Variants in THRB observed in about 807,000 individuals in gnomAD.
THRB encodes thyroid hormone receptor beta, also known as nuclear receptor subfamily 1 group A member 2.
Under a neutral mutation model 47.8 loss-of-function variants are expected in THRB, and 12 were observed. The observed-to-expected ratio is 0.25, with a 90% confidence interval of 0.16 to 0.41. The LOEUF is 0.41. THRB is among the 10% of genes least tolerant of loss of function. THRB has a pLI of 1.00. For missense variants in THRB, 348 were observed against 589.2 expected, an observed-to-expected ratio of 0.59 and a Z score of 4.24; for synonymous variants, 218 against 212.2, an observed-to-expected ratio of 1.03 and a Z score of -0.24.
intron 1 of THRB, among the ~76,000 whole-genome samples, chr3:24,404,448 C>A (rs9843565): frequency 6.6e-6 from 1 of 151,766 alleles, no homozygotes; most frequent in African/African-American, 2.4e-5. Context: ...TAACTGTTTG[C>A]GGATTAATTT....
intron 1 of THRB, among the ~76,000 whole-genome samples, chr3:24,343,244 A>ATAGC (rs1482926567): frequency 6.6e-6 from 1 of 152,180 alleles, no homozygotes; most frequent in Non-Finnish European, 1.5e-5. Flanking sequence ...GAGATGGTGC[A>ATAGC]TAGCTGTTGC....
At chr3:24,474,159 C>G (rs1695109209) in intron 1 of THRB, among the ~76,000 whole-genome samples, 1 of 152,064 alleles carries the variant, frequency 6.6e-6, no homozygotes, top group Admixed American at 6.6e-5. Context: ...TACACTAAAC[C>G]TGCCAATCAA....
chr3:24,182,224 C>T (rs2041998943), intron 5 of THRB, among the ~76,000 whole-genome samples: 1 of 138,252 alleles, frequency 7.2e-6, no homozygotes, highest in Non-Finnish European at 1.6e-5. Context: ...AACAAAAAAA[C>T]AAACAAAAAA....
intron 1 of THRB, among the ~76,000 whole-genome samples, chr3:24,391,078 C>A (rs1017388516): frequency 6.6e-6 from 1 of 152,068 alleles, no homozygotes; most frequent in Non-Finnish European, 1.5e-5. Flanking sequence ...AGCAGTGGTG[C>A]CCTTGGGACA....
intron 2 of THRB, among the ~76,000 whole-genome samples, chr3:24,317,804 C>T (rs1189401242): frequency 5.9e-5 from 9 of 152,146 alleles, no homozygotes; most frequent in Non-Finnish European, 1.3e-4. Context: ...TGCCTGTAAT[C>T]CCAGCATTTT....
At position 24,290,252 on chromosome 3, in the gene THRB, G is replaced by A. The variant is rs367646450; in HGVS notation, c.-43+6974C>T. ...TGGGGTTGGGGGGATAAATCTTTCAGGAAGTTTACTGGGTTACTTTAATTA... is the reference window on the plus strand; with the variant it reads ...TGGGGTTGGGGGGATAAATCTTTCAAGAAGTTTACTGGGTTACTTTAATTA... On this transcript the variant is annotated intron_variant, in intron 3 of 10. Coordinates refer to ENST00000646209, the MANE Select transcript of THRB (RefSeq NM_001354712.2). Among the ~76,000 whole-genome samples the A allele has an allele frequency of 1.1e-4, 16 of 152,244 alleles. No homozygotes were observed. In the South Asian group the frequency reaches 3.1e-3, roughly 30 times the overall value.
At chr3:24,267,958 G>T (rs772379027) in intron 3 of THRB, among the ~76,000 whole-genome samples, 24 of 152,042 alleles carry the variant, frequency 1.6e-4, no homozygotes, top group Admixed American at 3.9e-4. Context: ...GATAAATTAT[G>T]AATTTCAGGG....
chr3:24,426,490 T>C (rs2069775085), intron 1 of THRB, among the ~76,000 whole-genome samples: 1 of 151,956 alleles, frequency 6.6e-6, no homozygotes, highest in Admixed American at 6.6e-5. Context: ...GTTAGCTGAA[T>C]AATGACTGCA....
chr3:24,470,900 A>G (rs984594592), intron 1 of THRB, among the ~76,000 whole-genome samples: 17 of 152,244 alleles, frequency 1.1e-4, no homozygotes, highest in African/African-American at 4.1e-4. Flanking sequence ...TACAGGCATG[A>G]GCCATCACAC....
chr3:24,224,807 C>T (rs2047493567), intron 4 of THRB, among the ~76,000 whole-genome samples: 2 of 152,126 alleles, frequency 1.3e-5, no homozygotes, highest in African/African-American at 4.8e-5. Flanking sequence ...GGAAGGGGAA[C>T]TAGGGATGAA....
intron 1 of THRB, chr3:24,430,790 G>A (rs2070312413): frequency 6.6e-6 from 1 of 152,050 alleles, no homozygotes; most frequent in Non-Finnish European, 1.5e-5. Context: ...GAGCTATTTT[G>A]CCTTTAACAA....
Position 24,190,173 on chromosome 3 carries a change from T to C in THRB, c.184A>G (p.Thr62Ala). 1 of 1,614,090 alleles carries C rather than the reference T, an allele frequency of 6.2e-7. No homozygotes were observed. The change falls in exon 5 of 11, where the codon ACT becomes GCT. Residue 62 changes from threonine to alanine, a missense_variant. Physicochemically the swap from Thr to Ala is moderately conservative, Grantham distance 58. Coordinates refer to ENST00000646209, the MANE Select transcript of THRB (RefSeq NM_001354712.2). ...AGATGGAATATTGAGCTAGTCCAAG[T>C]GGTCTGGATGAGATGTGGCGACGAC... ...EQSSPHLIQT[T>A]WTSSIFHLDH...
intron 1 of THRB, among the ~76,000 whole-genome samples, chr3:24,410,175 A>C (rs1340022345): frequency 6.6e-6 from 1 of 151,884 alleles, no homozygotes; most frequent in African/African-American, 2.4e-5. Flanking sequence ...GAAAATCATT[A>C]GAAAAATAAT....
chr3:24,301,411 T>A (rs189254836), intron 2 of THRB, among the ~76,000 whole-genome samples: 8 of 152,200 alleles, frequency 5.3e-5, no homozygotes, highest in African/African-American at 1.9e-4. Context: ...TACTTATATC[T>A]TTTCCCCATT....
intron 5 of THRB, among the ~76,000 whole-genome samples, chr3:24,177,889 G>T (rs992676757): frequency 1.3e-5 from 2 of 152,172 alleles, no homozygotes; most frequent in African/African-American, 4.8e-5. Flanking sequence ...GGAAAGAAAA[G>T]AATGTTTAGT....
chr3:24,280,159 A>C (rs1462887423), intron 3 of THRB, among the ~76,000 whole-genome samples: 2 of 152,220 alleles, frequency 1.3e-5, no homozygotes, highest in African/African-American at 4.8e-5. Flanking sequence ...AGCCTGAGCG[A>C]CGCAGAAGAT....
intron 1 of THRB, among the ~76,000 whole-genome samples, chr3:24,416,830 C>T (rs1322812521): frequency 6.6e-6 from 1 of 151,782 alleles, no homozygotes; most frequent in Non-Finnish European, 1.5e-5. Context: ...CAGGAATCTG[C>T]ACTGTAAAAA....
At position 24,141,164 on chromosome 3, in the gene THRB, G is replaced by A. The variant is rs552277420; in HGVS notation, c.738+2337C>T. 4.6e-5 allele frequency among the ~76,000 whole-genome samples: 7 copies of A among 152,334 alleles called. No individual in the cohort carries two copies. In the East Asian group the frequency reaches 1.3e-3, roughly 29 times the overall value. On this transcript the variant is annotated intron_variant, in intron 8 of 10. Coordinates refer to ENST00000646209, the MANE Select transcript of THRB (RefSeq NM_001354712.2). The stretch of plus-strand genomic sequence containing the variant: ...GAGAATAAAACTCTCTTGTGCATGG[G>A]TAATCTCATGGTTCTGACAGAAGCC...
intron 5 of THRB, among the ~76,000 whole-genome samples, chr3:24,187,418 GA>G (rs2042742145): frequency 6.6e-6 from 1 of 152,194 alleles, no homozygotes; most frequent in African/African-American, 2.4e-5. Flanking sequence ...CAGCTTCAAG[GA>G]AGTCAATTTG....
Sources: gnomAD v4.1 joint callset for allele counts (sites outside exome capture counted in the v4.1 genomes callset) on GRCh38, gnomAD v4.1.1 for gene constraint, MANE v1.5 for transcripts, NCBI Gene and HGNC (gene_info 2026-07-23, HGNC 2026-07-21) for gene names.